Variants in C7 observed in about 807,000 individuals in gnomAD.
C7 encodes the protein complement component C7.
In C7, 83 loss-of-function variants were observed where a neutral mutation model predicts 104.8. That is an observed-to-expected ratio of 0.79 (90% CI 0.66 to 0.95). C7 has a LOEUF of 0.95. Among genes scored for constraint, C7 ranks in the 40% least tolerant of loss-of-function variants. The pLI, the probability that C7 is intolerant of heterozygous loss-of-function variation, is 0.00. For missense variants in C7, 1,070 were observed against 1,011.2 expected (o/e 1.06, Z -0.79); for synonymous variants, 415 against 360.6 (o/e 1.15, Z -1.71).
rs763543036 is a variant in C7, at chr5:40,934,423, T to C, written c.237T>C (p.Cys79=). The C allele has an allele frequency of 6.2e-7, 1 of 1,613,762 alleles. No homozygotes were observed. The highest frequency in any genetic ancestry group is 1.7e-5 in the Admixed American group (1 of 59,986). The change falls in exon 4 of 18, where the codon TGT becomes TGC. Residue 79 remains cysteine (C), a synonymous_variant. Coordinates refer to ENST00000313164, the MANE Select transcript of C7 (RefSeq NM_000587.4). ...ETQSCEPTRG[C]PTEEGCGERF... is the part of the protein sequence containing the mutation. ...AGTCCTGTGAACCTACAAGAGGATG[T>C]CCAACAGAGGAGGGATGTGGAGAGC... is the stretch of plus-strand genomic sequence containing the variant.
chr5:40,954,077 A>G lies in C7; in HGVS notation c.1094-1310A>G, dbSNP rs145675735. 3.8e-3 allele frequency among the ~76,000 whole-genome samples: 578 copies of G among 152,290 alleles called. 12 individuals are homozygous for G. In the East Asian group the frequency reaches 0.054, roughly 14 times the overall value. On this transcript the variant is annotated intron_variant, in intron 9 of 17. Transcript: ENST00000313164. ...GAGATAAAGTATTTCTAAAATTATG[A>G]GGCACATAAATGGAAAAGAAGCTTC...
At chr5:40,965,648 A>ATATTTTTTTT (rs35802990) in intron 14 of C7, among the ~76,000 whole-genome samples, 3 of 130,306 alleles carry the variant, frequency 2.3e-5, no homozygotes, top group East Asian at 2.1e-4. Context: ...ATATATATAT[A>ATATTTTTTTT]TTTTTTTTTT....
intron 1 of C7, among the ~76,000 whole-genome samples, chr5:40,922,698 A>AAAAAAAAAAAG: frequency 6.7e-6 from 1 of 148,354 alleles, no homozygotes; most frequent in Non-Finnish European, 1.5e-5. Flanking sequence ...GAGACTGTCA[A>AAAAAAAAAAAG]AAAAAAAAAA....
chr5:40,936,335 C>A lies in C7; in HGVS notation c.281-3C>A. 6.2e-7 allele frequency: 1 copy of A among 1,612,958 alleles called. No individual in the cohort carries two copies. Among genetic ancestry groups the A allele is most frequent in the South Asian group, 1.1e-5 (1 of 90,970 alleles). ...TTTGCACGTGGATTTCTCTGGTGTT[C>A]AGGTCAGTGCATCAGCAAATCATTG... On this transcript the variant is annotated splice_region_variant and splice_polypyrimidine_tract_variant and intron_variant, in intron 4 of 17. Transcript: ENST00000313164.
At chr5:40,934,223 G>A (rs1739757894) in intron 3 of C7, 102 bp from the exon 4 acceptor site, 11 of 1,196,852 alleles carry the variant, frequency 9.2e-6, no homozygotes, top group Admixed American at 3.4e-5. Context: ...TTTTCTAATT[G>A]TATTACTTTT....
intron 12 of C7, among the ~76,000 whole-genome samples, chr5:40,960,454 T>A (rs556065694): frequency 6.6e-6 from 1 of 152,266 alleles, no homozygotes; most frequent in East Asian, 1.9e-4. Context: ...TTAATCAGTA[T>A]CTCTTGACTG....
At chr5:40,919,306 G>A (rs1739392153) in intron 1 of C7, among the ~76,000 whole-genome samples, 1 of 151,918 alleles carries the variant, frequency 6.6e-6, no homozygotes. Flanking sequence ...TGTATTTTTA[G>A]TAGAGACGGG....
At chr5:40,932,282 T>G (rs1739702484) in intron 3 of C7, among the ~76,000 whole-genome samples, 1 of 152,198 alleles carries the variant, frequency 6.6e-6, no homozygotes, top group Non-Finnish European at 1.5e-5. Context: ...TTTCCACTTT[T>G]TTATTGTTTG....
chr5:40,919,628 A>AAAAT (rs1395031354), intron 1 of C7, among the ~76,000 whole-genome samples: 1 of 152,168 alleles, frequency 6.6e-6, no homozygotes, highest in Non-Finnish European at 1.5e-5. Context: ...CCTGTCTCTA[A>AAAAT]AAATAAATAA....
chr5:40,962,588 A>T (rs927807268), intron 13 of C7, among the ~76,000 whole-genome samples: 2 of 152,198 alleles, frequency 1.3e-5, no homozygotes, highest in African/African-American at 4.8e-5. Context: ...TTATTCCAGG[A>T]GTCAATAAGA....
chr5:40,952,275 A>G (rs1172888816), intron 9 of C7, among the ~76,000 whole-genome samples: 1 of 152,216 alleles, frequency 6.6e-6, no homozygotes, highest in Non-Finnish European at 1.5e-5. Flanking sequence ...TGAGGCCCAG[A>G]AATGTTGCCC....
Position 40,958,019 on chromosome 5 carries a change from C to G in C7, c.1261-14C>G. On this transcript the variant is annotated splice_polypyrimidine_tract_variant and intron_variant, in intron 10 of 17. Transcript: ENST00000313164. ...AATCCCTGATTACTGACTATAATGT[C>G]TTTATCTCTATAGCTGACACCTTTA... 1 of 1,585,580 alleles carries G rather than the reference C, an allele frequency of 6.3e-7. No individual in the cohort carries two copies. The highest frequency in any genetic ancestry group is 8.6e-7 in the Non-Finnish European group (1 of 1,159,458).
chr5:40,958,133 C>T lies in C7; in HGVS notation c.1361C>T (p.Pro454Leu), dbSNP rs1164849660. The change falls in exon 11 of 18, where the codon CCC (proline) becomes CTC (leucine). Residue 454 changes from proline (P) to leucine (L), a missense_variant. Pro to Leu is a moderately conservative substitution (Grantham distance 98). Transcript: ENST00000313164. ...ALEEYLDEFD[P>L]CHCRPCQNGG... ...GAAGAGTATCTGGATGAATTTGACC[C>T]CTGTCATTGCCGGCCTTGTCAAAAT... 1.2e-6 allele frequency: 2 copies of T among 1,613,666 alleles called. No homozygotes were observed. The highest frequency in any genetic ancestry group is 1.3e-5 in the African/African-American group (1 of 74,884).
chr5:40,935,229 A>C (rs1739787647), intron 4 of C7, among the ~76,000 whole-genome samples: 1 of 152,236 alleles, frequency 6.6e-6, no homozygotes, highest in Non-Finnish European at 1.5e-5. Flanking sequence ...AATCACTTCC[A>C]TATTTTCCTT....
rs745342720 is a variant in C7, at chr5:40,936,469, G to C, written c.412G>C (p.Glu138Gln). 4.3e-6 allele frequency: 7 copies of C among 1,613,038 alleles called. No homozygotes were observed. Among genetic ancestry groups the C allele is most frequent in the Non-Finnish European group, 5.9e-6 (7 of 1,179,378 alleles). ...TATCGATAAACCTCCTCCTAACATAGAACTTACTGGAAATGGGTAAGGTGC... is the reference window on the plus strand; with the variant it reads ...TATCGATAAACCTCCTCCTAACATACAACTTACTGGAAATGGGTAAGGTGC... ...CDIDKPPPNI[E>Q]LTGNGYNELT... The change falls in exon 5 of 18, where the codon GAA (glutamate) becomes CAA (glutamine). Residue 138 changes from glutamate (E) to glutamine (Q), a missense_variant. Physicochemically the swap from Glu to Gln is conservative, Grantham distance 29. Coordinates refer to ENST00000313164, the MANE Select transcript of C7 (RefSeq NM_000587.4).
At chr5:40,923,431 C>A (rs1739482517) in intron 1 of C7, among the ~76,000 whole-genome samples, 1 of 152,226 alleles carries the variant, frequency 6.6e-6, no homozygotes, top group Non-Finnish European at 1.5e-5. Context: ...AGACATGTCA[C>A]ATGGCAATAG....
rs958557076 is a variant in C7, at chr5:40,972,534, C to G, written c.2014C>G (p.Leu672Val). Residue 672 changes from leucine (L) to valine (V), a missense_variant, in exon 15 of 18, where the codon CTC becomes GTC. Transcript: ENST00000313164. The part of the protein sequence containing the change: ...GMSLEGPSAF[L>V]CGSSLKWSPE... ...GTCCTTAGAAGGTCCTTCAGCATTT[C>G]TCTGTGGCTCCAGCCTTAAGTGGAG... 3.7e-6 allele frequency: 6 copies of G among 1,613,410 alleles called. No individual in the cohort carries two copies. In the African/African-American group the frequency reaches 8.0e-5, roughly 22 times the overall value.
intron 1 of C7, among the ~76,000 whole-genome samples, chr5:40,919,790 T>C (rs1469232818): frequency 6.6e-6 from 1 of 151,852 alleles, no homozygotes; most frequent in African/African-American, 2.4e-5. Flanking sequence ...TATCTTAAGA[T>C]AAACAAAAAT....
At chr5:40,909,974 A>AT (rs1259880340) in intron 1 of C7, among the ~76,000 whole-genome samples, 32,490 of 124,558 alleles carry the variant, frequency 0.26, 4,216 homozygotes, top group East Asian at 0.46. Flanking sequence ...CCTCTGGTGT[A>AT]TTTTTTTTTT....
Sources: gnomAD v4.1 joint callset for allele counts (sites outside exome capture counted in the v4.1 genomes callset) on GRCh38, gnomAD v4.1.1 for gene constraint, MANE v1.5 for transcripts, NCBI Gene and HGNC (gene_info 2026-07-23, HGNC 2026-07-21) for gene names.